Variants in TBCA observed in about 807,000 individuals in gnomAD.
TBCA encodes the protein tubulin-specific chaperone A.
Under a neutral mutation model 15.8 loss-of-function variants are expected in TBCA, and 6 were observed. That is an observed-to-expected ratio of 0.38 (90% CI 0.21 to 0.75). The LOEUF is 0.75. Among genes scored for constraint, TBCA ranks in the 30% least tolerant of loss-of-function variants. The pLI, the probability that TBCA is intolerant of heterozygous loss-of-function variation, is 0.46. For synonymous variants in TBCA, 32 were observed against 42.3 expected, an observed-to-expected ratio of 0.76 and a Z score of 0.94; for missense variants, 90 against 131.2, an observed-to-expected ratio of 0.69 and a Z score of 1.53.
chr5:77,751,593 A>T (rs1747343933), intron 1 of TBCA, among the ~76,000 whole-genome samples: 1 of 151,954 alleles, frequency 6.6e-6, no homozygotes, highest in Non-Finnish European at 1.5e-5. Flanking sequence ...TTCTCCCCAG[A>T]GGAGATGTGG....
intron 2 of TBCA, among the ~76,000 whole-genome samples, chr5:77,694,047 T>G (rs977806402): frequency 6.6e-6 from 1 of 152,188 alleles, no homozygotes; most frequent in African/African-American, 2.4e-5. Flanking sequence ...CTCCTGCATC[T>G]TTTGAGTAAT....
rs567301935 is a variant in TBCA at position 77,738,507 on chromosome 5, T to C, written c.54-30160A>G. On this transcript the variant is annotated intron_variant, in intron 1 of 3. Transcript: ENST00000380377. The stretch of plus-strand genomic sequence containing the variant: ...AAAACAAGCAGTCAGTAACATTTAG[T>C]CATGCACATGGCCTGCCCACTAGGC... Among the ~76,000 whole-genome samples the C allele has an allele frequency of 4.6e-5, 7 of 152,330 alleles. No homozygotes were observed. The East Asian group carries it at 1.3e-3, about 29-fold the overall frequency.
intron 1 of TBCA, among the ~76,000 whole-genome samples, chr5:77,724,685 TTTA>T (rs1357352554): frequency 3.3e-5 from 5 of 152,124 alleles, no homozygotes. Context: ...CTACTAGAAG[TTTA>T]TTATAGTATA....
chr5:77,721,312 C>G (rs1746523235), intron 1 of TBCA, among the ~76,000 whole-genome samples: 1 of 152,118 alleles, frequency 6.6e-6, no homozygotes, highest in South Asian at 2.1e-4. Flanking sequence ...TAGCATTATA[C>G]AGAGGCACTT....
In TBCA at chr5:77,710,571, TGGG is replaced by T. The variant is rs1454031362; in HGVS notation, c.54-2227_54-2225del. 6.6e-5 allele frequency among the ~76,000 whole-genome samples: 10 copies of T among 152,300 alleles called. No homozygotes were observed. The East Asian group carries it at 1.9e-3, about 29-fold the overall frequency. ...AAAAAATGTTGTCACATTAAAAAGC[TGGG>T]AGATTTGACATATACATCTGAATTT... On this transcript the variant is annotated intron_variant, in intron 1 of 3. Transcript: ENST00000380377.
intron 1 of TBCA, 193 bp from the exon 2 acceptor site, chr5:77,708,540 T>C: frequency 2.6e-6 from 1 of 388,380 alleles, no homozygotes; most frequent in Non-Finnish European, 4.7e-6. Flanking sequence ...GTCCTATACC[T>C]GCCTAACGTA....
In TBCA at chr5:77,695,188, T is replaced by C. The variant is rs942798699; in HGVS notation, c.160-1836A>G. On this transcript the variant is annotated intron_variant, in intron 2 of 3. Coordinates refer to ENST00000380377, the MANE Select transcript of TBCA (RefSeq NM_004607.3). ...AAGTTTTAGCCACCAAAAAAAACTT[T>C]AGACAATGCCATCCAAAAATAACTT... is the stretch of plus-strand genomic sequence containing the variant. 5.9e-5 allele frequency among the ~76,000 whole-genome samples: 9 copies of C among 152,312 alleles called. No homozygotes were observed. In the East Asian group the frequency reaches 1.5e-3, roughly 26 times the overall value.
In TBCA at chr5:77,758,159, AAG is replaced by A. The variant is rs1747520362; in HGVS notation, c.53+18044_53+18045del. 3.3e-5 allele frequency among the ~76,000 whole-genome samples: 5 copies of A among 152,264 alleles called. No homozygotes were observed. The South Asian group carries it at 1.0e-3, about 32-fold the overall frequency. Reference sequence around the variant, plus strand: ...GGGGTTTTATATGTTGGCATGAGGGAAGAGAGAGACCCTCTCATATTGTTTTA... The same window carrying A: ...GGGGTTTTATATGTTGGCATGAGGGAAGAGAGACCCTCTCATATTGTTTTA... On this transcript the variant is annotated intron_variant, in intron 1 of 3. Transcript: ENST00000380377.
At chr5:77,736,209 G>A (rs1340259761) in intron 1 of TBCA, among the ~76,000 whole-genome samples, 1 of 152,042 alleles carries the variant, frequency 6.6e-6, no homozygotes, top group African/African-American at 2.4e-5. Flanking sequence ...GGTGGTGGTT[G>A]CCTGCAGTCC....
chr5:77,737,381 G>A (rs930460861), intron 1 of TBCA, among the ~76,000 whole-genome samples: 3 of 152,204 alleles, frequency 2.0e-5, no homozygotes, highest in African/African-American at 7.2e-5. Flanking sequence ...TTAAGTGTTA[G>A]CAGTGTGATT....
At chr5:77,726,490 C>G (rs1167426645) in intron 1 of TBCA, among the ~76,000 whole-genome samples, 1 of 152,136 alleles carries the variant, frequency 6.6e-6, no homozygotes, top group Non-Finnish European at 1.5e-5. Flanking sequence ...ACACATGCTT[C>G]AGAGAGTAAT....
intron 1 of TBCA, among the ~76,000 whole-genome samples, chr5:77,741,872 G>T (rs940317036): frequency 6.6e-6 from 1 of 152,150 alleles, no homozygotes. Flanking sequence ...TCTAATATTT[G>T]AGAAGAAGAA....
At chr5:77,750,127 T>C (rs970099040) in intron 1 of TBCA, among the ~76,000 whole-genome samples, 1 of 123,896 alleles carries the variant, frequency 8.1e-6, no homozygotes, top group Non-Finnish European at 1.8e-5. Context: ...CTTTGCAAAT[T>C]TGTGCTCTCT....
intron 1 of TBCA, among the ~76,000 whole-genome samples, chr5:77,738,835 A>G (rs559303362): frequency 6.6e-6 from 1 of 152,214 alleles, no homozygotes; most frequent in African/African-American, 2.4e-5. Context: ...CGCCTGCCTC[A>G]GTCTCTCAAA....
intron 2 of TBCA, among the ~76,000 whole-genome samples, chr5:77,698,334 A>G (rs1745922675): frequency 6.6e-6 from 1 of 152,210 alleles, no homozygotes; most frequent in Non-Finnish European, 1.5e-5. Context: ...AATATTGTTC[A>G]TAATGCTCAT....
intron 1 of TBCA, among the ~76,000 whole-genome samples, chr5:77,714,715 T>C (rs1005065143): frequency 6.6e-6 from 1 of 152,056 alleles, no homozygotes; most frequent in African/African-American, 2.4e-5. Flanking sequence ...TACAGGCACC[T>C]GCCACCACGG....
chr5:77,701,682 C>CATTTATAT, intron 2 of TBCA, among the ~76,000 whole-genome samples: 1 of 50,970 alleles, frequency 2.0e-5, no homozygotes, highest in East Asian at 7.9e-4. Context: ...CTGTGGCATG[C>CATTTATAT]ATATATATAT....
intron 1 of TBCA, among the ~76,000 whole-genome samples, chr5:77,741,345 C>T (rs942042520): frequency 8.5e-5 from 13 of 152,108 alleles, no homozygotes; most frequent in Admixed American, 6.5e-4. Flanking sequence ...TAAGAAAAGA[C>T]AAACACACAG....
chr5:77,701,430 G>A (rs1386320165), intron 2 of TBCA, among the ~76,000 whole-genome samples: 1 of 151,780 alleles, frequency 6.6e-6, no homozygotes, highest in Admixed American at 6.6e-5. Context: ...GTGTGCATGT[G>A]GTGAACAGGG....
Sources: gnomAD v4.1 joint callset for allele counts (sites outside exome capture counted in the v4.1 genomes callset) on GRCh38, gnomAD v4.1.1 for gene constraint, MANE v1.5 for transcripts, NCBI Gene and HGNC (gene_info 2026-07-23, HGNC 2026-07-21) for gene names.